Variants in COL6A3 observed in about 807,000 individuals in gnomAD.
COL6A3 encodes collagen type VI alpha 3 chain.
A neutral mutation model predicts 274.1 loss-of-function variants in COL6A3; 137 were observed. That is an observed-to-expected ratio of 0.50 (90% CI 0.44 to 0.58). The LOEUF (loss-of-function observed/expected upper bound fraction) is 0.58. Ranked by LOEUF, COL6A3 falls within the 20% of genes least tolerant of loss-of-function variation. COL6A3 has a pLI of 0.00. For synonymous variants in COL6A3, 1,650 were observed against 1,650.6 expected (o/e 1.00, Z 0.01); for missense variants, 3,950 against 4,124.9 (o/e 0.96, Z 1.16).
At chr2:237,380,811 T>C in intron 5 of COL6A3, 104 bp downstream of exon 5, 1 of 1,059,264 alleles carries the variant, frequency 9.4e-7, no homozygotes, top group South Asian at 1.4e-5. Flanking sequence ...TTTTCATCAT[T>C]TGTTGTCTCT....
chr2:237,330,830 T>C (rs1700192899), intron 42 of COL6A3, among the ~76,000 whole-genome samples: 1 of 152,238 alleles, frequency 6.6e-6, no homozygotes, highest in African/African-American at 2.4e-5. Flanking sequence ...TCCTCTCCTC[T>C]TCCCCTGCCT....
chr2:237,387,058 A>G (rs74976515), intron 4 of COL6A3, among the ~76,000 whole-genome samples: 1,850 of 152,320 alleles, frequency 0.012, 64 homozygotes, highest in Admixed American at 0.059. Flanking sequence ...TCAAGTGATT[A>G]CACTGTTATT....
intron 26 of COL6A3, 74 bp from the exon 27 acceptor site, chr2:237,351,266 C>G: frequency 7.0e-7 from 1 of 1,430,292 alleles, no homozygotes; most frequent in South Asian, 1.1e-5. Context: ...AAACCTGACT[C>G]TCCCCTGCAT....
At chr2:237,328,739 G>A (rs1030449768) in intron 42 of COL6A3, 1 of 152,122 alleles carries the variant, frequency 6.6e-6, no homozygotes, top group African/African-American at 2.4e-5. Flanking sequence ...CATTTTTAAA[G>A]GCATCAGCTT....
At chr2:237,348,289 T>C (rs2077136512) in intron 30 of COL6A3, 60 bp downstream of exon 30, 1 of 1,373,886 alleles carries the variant, frequency 7.3e-7, no homozygotes. Context: ...TCTCAGTCCA[T>C]GGACATACCA....
At chr2:237,363,836 T>C (rs2077490219) in intron 13 of COL6A3, among the ~76,000 whole-genome samples, 1 of 152,236 alleles carries the variant, frequency 6.6e-6, no homozygotes, top group Non-Finnish European at 1.5e-5. Context: ...CACTTTCTGA[T>C]AGTCAGTGCT....
chr2:237,365,748 G>A lies in COL6A3; in HGVS notation c.5788C>T (p.Leu1930=). ...CTGAACTTGTTCAGGTAGACCTTCAGGGTGTCCTCCGTGAGGACGTAGGGG... is the reference window on the plus strand; with the variant it reads ...CTGAACTTGTTCAGGTAGACCTTCAAGGTGTCCTCCGTGAGGACGTAGGGG... ...QHPYVLTEDT[L]KVYLNKFRQS... Residue 1930 remains leucine, a synonymous_variant, in exon 12 of 44, where the codon CTG becomes TTG. Coordinates refer to ENST00000295550, the MANE Select transcript of COL6A3 (RefSeq NM_004369.4). The A allele has an allele frequency of 6.2e-7, 1 of 1,614,208 alleles. No homozygotes were observed. The highest frequency in any genetic ancestry group is 8.5e-7 in the Non-Finnish European group (1 of 1,180,042).
In COL6A3 at chr2:237,324,772, G is replaced by A. The variant is rs746487382; in HGVS notation, c.*2C>T. 3.5e-5 allele frequency: 57 copies of A among 1,613,676 alleles called. No individual in the cohort carries two copies. The highest frequency in any genetic ancestry group is 5.0e-5 in the Admixed American group (3 of 59,994). ...GAGGTATATGATGTTGGCCACCCAC[G>A]CTTAGGTTCCCATCACACTGATGAC... On this transcript the variant is annotated 3_prime_UTR_variant, in exon 44 of 44. Coordinates refer to ENST00000295550, the MANE Select transcript of COL6A3 (RefSeq NM_004369.4).
chr2:237,347,461 C>T (rs920770845), intron 31 of COL6A3, among the ~76,000 whole-genome samples: 4 of 152,238 alleles, frequency 2.6e-5, no homozygotes, highest in Non-Finnish European at 5.9e-5. Flanking sequence ...ACTCCCATTG[C>T]CTGGCCGTCT....
intron 30 of COL6A3, among the ~76,000 whole-genome samples, chr2:237,348,115 T>C (rs182092524): frequency 1.4e-3 from 218 of 152,338 alleles, no homozygotes; most frequent in African/African-American, 5.1e-3. Context: ...ACAGAGTACT[T>C]TGATTGCAGC....
intron 1 of COL6A3, among the ~76,000 whole-genome samples, chr2:237,409,600 T>C (rs1290689572): frequency 6.6e-6 from 1 of 152,212 alleles, no homozygotes; most frequent in Non-Finnish European, 1.5e-5. Context: ...GTCTTAATGC[T>C]GGTTATCTCA....
At chr2:237,336,050 T>C in intron 40 of COL6A3, 85 bp downstream of exon 40, 4 of 1,515,310 alleles carry the variant, frequency 2.6e-6, no homozygotes, top group South Asian at 1.1e-5. Flanking sequence ...ATTCTGAGTG[T>C]GTTACATGCA....
chr2:237,344,434 C>T lies in COL6A3; in HGVS notation c.7584G>A (p.Glu2528=), dbSNP rs1431631518. The change falls in exon 36 of 44, where the codon GAG becomes GAA. Residue 2528 remains glutamate, a synonymous_variant. Transcript: ENST00000295550. The surrounding 1 kb of genome is among the most constrained non-coding windows in gnomAD (Gnocchi z 4.8). The part of the protein sequence containing the change: ...TPTRASPQLR[E]AVLKLSDAGI... ...CCGCATCTGAGAGCTTGAGCACAGC[C>T]TCTCTGAGCTGTGGGGATGCTCTTG... The T allele has an allele frequency of 6.2e-7, 1 of 1,614,198 alleles. No individual in the cohort carries two copies. Among genetic ancestry groups the T allele is most frequent in the Non-Finnish European group, 8.5e-7 (1 of 1,180,020 alleles).
At chr2:237,402,289 T>C (rs2078610872) in intron 1 of COL6A3, among the ~76,000 whole-genome samples, 1 of 152,140 alleles carries the variant, frequency 6.6e-6, no homozygotes, top group South Asian at 2.1e-4. Flanking sequence ...GATCAAAAAG[T>C]TATAGATATT....
chr2:237,375,307 G>C (rs1302937373), intron 7 of COL6A3, among the ~76,000 whole-genome samples: 1 of 152,146 alleles, frequency 6.6e-6, no homozygotes, highest in Non-Finnish European at 1.5e-5. Context: ...TCAGAGAGGA[G>C]AGAAAGTGCC....
chr2:237,381,149 G>A lies in COL6A3; in HGVS notation c.1663C>T (p.Leu555=). The part of the protein sequence containing the change: ...AAEGIPKLLV[L]ITGGKSLDEI... ...TCTAGGGACTTACCACCTGTGATCA[G>A]CACCAAAAGCTTAGGAATCCCCTCG... The change falls in exon 5 of 44, where the codon CTG becomes TTG. Residue 555 remains leucine (L), a synonymous_variant. Coordinates refer to ENST00000295550, the MANE Select transcript of COL6A3 (RefSeq NM_004369.4). 1 of 1,614,234 alleles carries A rather than the reference G, an allele frequency of 6.2e-7. No homozygotes were observed. Among genetic ancestry groups the A allele is most frequent in the Non-Finnish European group, 8.5e-7 (1 of 1,180,052 alleles).
At chr2:237,396,677 C>T in intron 2 of COL6A3, 50 bp downstream of exon 2, 3 of 1,571,404 alleles carry the variant, frequency 1.9e-6, no homozygotes, top group Non-Finnish European at 2.6e-6. Flanking sequence ...GATCTAAAAT[C>T]AAAGAATGAT....
At position 237,324,840 on chromosome 2, in the gene COL6A3, G is replaced by A. The variant is rs13032404; in HGVS notation, c.9494-26C>T. 484,863 of 1,610,050 alleles carry A rather than the reference G, an allele frequency of 0.3. 75,182 individuals carry two copies. Among genetic ancestry groups the A allele is most frequent in the East Asian group, 0.38 (17,198 of 44,824 alleles). Reference sequence around the variant, plus strand: ...CTGAGCGTCGAGAGAGGGGGTGGGTGGGGTGAGGTGAGGAGCCGAGAGAAG... The same window carrying A: ...CTGAGCGTCGAGAGAGGGGGTGGGTAGGGTGAGGTGAGGAGCCGAGAGAAG... On this transcript the variant is annotated intron_variant, in intron 43 of 43. Coordinates refer to ENST00000295550, the MANE Select transcript of COL6A3 (RefSeq NM_004369.4).
rs577802926 is a variant in COL6A3 at position 237,395,286 on chromosome 2, T to C, written c.92-82A>G. On this transcript the variant is annotated intron_variant, in intron 2 of 43. Coordinates refer to ENST00000295550, the MANE Select transcript of COL6A3 (RefSeq NM_004369.4). ...CAATGCAAAGCCTTCCTAAACAAAT[T>C]TGGTTTACACTATACTGCTACTAAA... 3.5e-4 allele frequency: 524 copies of C among 1,495,460 alleles called. 7 individuals are homozygous for C. The South Asian group carries it at 5.0e-3, about 14-fold the overall frequency. 92.6% of individuals were successfully genotyped at this position (1,495,460 alleles called of 1,614,324 possible). A position where few individuals can be genotyped will look rare whatever the true frequency, so the allele number is the denominator to read the frequency against.
Sources: allele counts gnomAD v4.1 joint callset (sites outside exome capture counted in the v4.1 genomes callset), GRCh38; gene constraint gnomAD v4.1.1; non-coding constraint Gnocchi (gnomAD v3.1); transcripts MANE v1.5; gene names NCBI Gene and HGNC (gene_info 2026-07-23, HGNC 2026-07-21).